Variants in SPAG9 observed in about 807,000 individuals in gnomAD.
SPAG9 encodes C-Jun-amino-terminal kinase-interacting protein 4.
SPAG9 carries 35 observed loss-of-function variants against 166.5 expected under a neutral mutation model. The ratio of observed to expected loss-of-function variants is 0.21; its 90% CI spans 0.16 to 0.28. The LOEUF is 0.28. SPAG9 is among the 10% of genes least tolerant of loss of function. The probability of loss-of-function intolerance (pLI) is 1.00; values close to 1 mark genes in which losing one functional copy is unlikely to be tolerated. For missense variants in SPAG9, 1,235 were observed against 1,603.3 expected, an observed-to-expected ratio of 0.77 and a Z score of 3.92; for synonymous variants, 534 against 565.5, an observed-to-expected ratio of 0.94 and a Z score of 0.79.
chr17:51,022,440 T>C (rs1204201140), intron 6 of SPAG9, among the ~76,000 whole-genome samples: 3 of 152,142 alleles, frequency 2.0e-5, no homozygotes, highest in Admixed American at 6.6e-5. Flanking sequence ...ATTGAAATTG[T>C]ATGCAAAAAT....
Position 50,974,812 on chromosome 17 carries a change from T to C in SPAG9, c.3659A>G (p.His1220Arg). The stretch of plus-strand genomic sequence containing the variant: ...GAATTTCACAGCATCCCGGTGCCCA[T>C]GGAAGCAAAGCTGTGCATGTGCCAT... ...CSMAHAQLCF[H>R]GHRDAVKFFV... Residue 1220 changes from histidine to arginine, a missense_variant, in exon 28 of 30, where the codon CAT becomes CGT. Physicochemically the swap from His to Arg is conservative, Grantham distance 29. Coordinates refer to ENST00000262013, the MANE Select transcript of SPAG9 (RefSeq NM_001130528.3). 2 of 1,605,876 alleles carry C rather than the reference T, an allele frequency of 1.2e-6. No individual in the cohort carries two copies. Among genetic ancestry groups the C allele is most frequent in the Non-Finnish European group, 8.5e-7 (1 of 1,178,284 alleles).
At position 51,094,470 on chromosome 17, in the gene SPAG9, A is replaced by C. The variant is rs77592199; in HGVS notation, c.304-14766T>G. On this transcript the variant is annotated intron_variant, in intron 1 of 29. Transcript: ENST00000262013. ...TTTAAAAGTAGTGAGGAGGGAAACAAAACAGGAAAGAGCACTTGGAAATTA... is the reference window on the plus strand; with the variant it reads ...TTTAAAAGTAGTGAGGAGGGAAACACAACAGGAAAGAGCACTTGGAAATTA... Among the ~76,000 whole-genome samples the C allele has an allele frequency of 7.6e-3, 1,159 of 152,348 alleles. 22 individuals carry two copies. The East Asian group carries it at 0.089, about 12-fold the overall frequency.
At chr17:51,111,387 A>G (rs1473408294) in intron 1 of SPAG9, among the ~76,000 whole-genome samples, 1 of 152,202 alleles carries the variant, frequency 6.6e-6, no homozygotes, top group Non-Finnish European at 1.5e-5. Context: ...TCTCCTGAGA[A>G]GCAAAGTTCA....
At position 51,051,438 on chromosome 17, in the gene SPAG9, G is replaced by A. The variant is rs575431987; in HGVS notation, c.496-3969C>T. Among the ~76,000 whole-genome samples, 3 of 152,244 alleles carry A rather than the reference G, an allele frequency of 2.0e-5. No homozygotes were observed. The East Asian group carries it at 5.8e-4, about 29-fold the overall frequency. ...GTTAGTGTTATTAAAAGTTCAGGGA[G>A]ACTGGGTGCTGTGGCTCACACATGT... On this transcript the variant is annotated intron_variant, in intron 3 of 29. Coordinates refer to ENST00000262013, the MANE Select transcript of SPAG9 (RefSeq NM_001130528.3).
At chr17:50,985,841 C>T in intron 22 of SPAG9, 63 bp from the exon 23 acceptor site, 1 of 903,690 alleles carries the variant, frequency 1.1e-6, no homozygotes, top group African/African-American at 1.7e-5. Context: ...ATATATCTAA[C>T]AATGATCGCG....
chr17:51,009,831 A>T (rs963038560), intron 9 of SPAG9, among the ~76,000 whole-genome samples: 4 of 152,172 alleles, frequency 2.6e-5, no homozygotes, highest in African/African-American at 9.6e-5. Context: ...GGCAAAAATA[A>T]ATAAATAAAG....
In SPAG9 at chr17:51,120,453, G is replaced by A. The variant is rs2049446746; in HGVS notation, c.204C>T (p.Asp68=). Residue 68 remains aspartate (D), a synonymous_variant, in exon 1 of 30, where the codon GAC becomes GAT. Transcript: ENST00000262013. The surrounding 1 kb of genome is among the most constrained non-coding windows in gnomAD (Gnocchi z 4.7). The stretch of plus-strand genomic sequence containing the variant: ...GCTCCAGCTCCACCTGGTGCTCCTG[G>A]TCCTGCGCGAACACCGAGTCCAGGT... ...LENLDSVFAQ[D]QEHQVELELL... 2 of 1,613,758 alleles carry A rather than the reference G, an allele frequency of 1.2e-6. No individual in the cohort carries two copies. The highest frequency in any genetic ancestry group is 1.7e-6 in the Non-Finnish European group (2 of 1,179,872).
intron 25 of SPAG9, among the ~76,000 whole-genome samples, chr17:50,981,179 A>AT (rs1018213509): frequency 5.3e-5 from 8 of 151,934 alleles, no homozygotes; most frequent in Non-Finnish European, 8.8e-5. Flanking sequence ...TGAACACAGT[A>AT]TTTTTTTTAC....
At chr17:51,009,049 G>A in intron 9 of SPAG9, 1 of 382,150 alleles carries the variant, frequency 2.6e-6, no homozygotes, top group African/African-American at 2.1e-5. Flanking sequence ...AAAAAATGAT[G>A]AGAAAGCATT....
At chr17:51,080,908 A>AAC (rs1282442480) in intron 1 of SPAG9, among the ~76,000 whole-genome samples, 1 of 142,724 alleles carries the variant, frequency 7.0e-6, no homozygotes, top group Non-Finnish European at 1.6e-5. Flanking sequence ...AAAAAAAAAA[A>AAC]AAAAGCATCT....
intron 1 of SPAG9, among the ~76,000 whole-genome samples, chr17:51,085,671 C>G (rs146992887): frequency 1.3e-5 from 2 of 152,256 alleles, no homozygotes; most frequent in East Asian, 3.9e-4. Context: ...CAAATTAAAA[C>G]AGATAAACTT....
chr17:51,118,471 G>C (rs932026902), intron 1 of SPAG9, among the ~76,000 whole-genome samples: 1 of 152,100 alleles, frequency 6.6e-6, no homozygotes. Flanking sequence ...ATATTTACAC[G>C]GACTGACAGG....
At chr17:51,050,980 G>GGAAAGGGAAGGAAGGAAAGAAA (rs1254569148) in intron 3 of SPAG9, among the ~76,000 whole-genome samples, 2 of 145,268 alleles carry the variant, frequency 1.4e-5, no homozygotes, top group East Asian at 4.0e-4. Context: ...AAGGGAGGGA[G>GGAAAGGGAAGGAAGGAAAGAAA]GAAAGGGAAG....
chr17:51,002,144 T>G (rs935993402), intron 12 of SPAG9, among the ~76,000 whole-genome samples: 1 of 152,018 alleles, frequency 6.6e-6, no homozygotes, highest in Non-Finnish European at 1.5e-5. Flanking sequence ...GCCTCCTGAG[T>G]AGCTTGGACT....
intron 1 of SPAG9, among the ~76,000 whole-genome samples, chr17:51,115,807 G>A (rs527623907): frequency 2.4e-4 from 37 of 151,524 alleles, no homozygotes; most frequent in African/African-American, 8.0e-4. Flanking sequence ...TCTAGCCTGG[G>A]CAACAAGAGA....
intron 5 of SPAG9, among the ~76,000 whole-genome samples, chr17:51,037,689 T>TATATATATA (rs1568028348): frequency 4.0e-4 from 33 of 82,598 alleles, no homozygotes; most frequent in African/African-American, 1.0e-3. Flanking sequence ...ATATATAGTG[T>TATATATATA]GTGTGTGTGT....
intron 2 of SPAG9, among the ~76,000 whole-genome samples, chr17:51,077,036 A>AGCTATCTAGCTAGCTATCTAGCTG (rs2048014625): frequency 8.8e-6 from 1 of 114,158 alleles, no homozygotes. Context: ...CTATCTATCT[A>AGCTATCTAGCTAGCTATCTAGCTG]GCTATCTAGC....
chr17:51,087,278 A>G (rs898739722), intron 1 of SPAG9, among the ~76,000 whole-genome samples: 2 of 152,224 alleles, frequency 1.3e-5, no homozygotes, highest in Middle Eastern at 6.3e-3. Flanking sequence ...TACTTCAGAA[A>G]TGGCATAGCT....
At chr17:51,027,081 G>A (rs1034286052) in intron 6 of SPAG9, among the ~76,000 whole-genome samples, 2 of 152,120 alleles carry the variant, frequency 1.3e-5, no homozygotes, top group Non-Finnish European at 2.9e-5. Flanking sequence ...ATCGGACAAA[G>A]TATTTGGCCA....
Sources: gnomAD v4.1 joint callset for allele counts (sites outside exome capture counted in the v4.1 genomes callset) on GRCh38, gnomAD v4.1.1 for gene constraint, Gnocchi (gnomAD v3.1) non-coding constraint, MANE v1.5 for transcripts, NCBI Gene and HGNC (gene_info 2026-07-23, HGNC 2026-07-21) for gene names.